The following DYSF variants were observed in gnomAD, a reference collection of about 807,000 sequenced individuals.
DYSF encodes the protein dysferlin.
DYSF carries 212 observed loss-of-function variants against 274.9 expected under a neutral mutation model. The ratio of observed to expected loss-of-function variants is 0.77; its 90% CI spans 0.69 to 0.86. The LOEUF is 0.86. Ranked by LOEUF, DYSF falls within the 40% of genes least tolerant of loss-of-function variation. The pLI, the probability that DYSF is intolerant of heterozygous loss-of-function variation, is 0.00. For missense variants in DYSF, 2,666 were observed against 2,783.2 expected, an observed-to-expected ratio of 0.96 and a Z score of 0.95; for synonymous variants, 1,091 against 1,078.7, an observed-to-expected ratio of 1.01 and a Z score of -0.22.
rs773393447 is a variant in DYSF, at chr2:71,686,461, C to T, written c.6329C>T (p.Ala2110Val). Residue 2110 changes from alanine to valine, a missense_variant, in exon 56 of 56, where the codon GCT (alanine) becomes GTT (valine). This residue lies in a region of DYSF where 1,460 missense variants were observed against 1,502.1 expected (regional missense o/e 0.97). Coordinates refer to ENST00000410020, the MANE Select transcript of DYSF (RefSeq NM_001130987.2). Reference sequence around the variant, plus strand: ...TCTCCTCCCTCCCTCCAGAACTATGCTGCCATGAAGCTGGTGAAGCCCTTC... The same window carrying T: ...TCTCCTCCCTCCCTCCAGAACTATGTTGCCATGAAGCTGGTGAAGCCCTTC... ...AIFIYAFPNY[A>V]AMKLVKPFS is the part of the protein sequence containing the mutation. 1.9e-6 allele frequency: 3 copies of T among 1,614,170 alleles called. No individual in the cohort carries two copies. The Admixed American group carries it at 5.0e-5, about 27-fold the overall frequency.
At chr2:71,498,654 G>A (rs1240811943) in intron 3 of DYSF, among the ~76,000 whole-genome samples, 3 of 152,202 alleles carry the variant, frequency 2.0e-5, no homozygotes, top group Admixed American at 2.0e-4. Flanking sequence ...CTGGTCTCCA[G>A]GCAAGGACGA....
At chr2:71,591,530 C>G (rs954869372) in intron 32 of DYSF, among the ~76,000 whole-genome samples, 2 of 152,236 alleles carry the variant, frequency 1.3e-5, no homozygotes, top group African/African-American at 2.4e-5. Context: ...TTACAATTGC[C>G]CTGTGAAGTA....
chr2:71,460,392 C>T (rs2081237498), intron 1 of DYSF, among the ~76,000 whole-genome samples: 4 of 152,170 alleles, frequency 2.6e-5, no homozygotes, highest in Non-Finnish European at 5.9e-5. Context: ...CTACATTCAG[C>T]TATGAGGGAG....
At chr2:71,545,663 GACA>G (rs1450804063) in intron 17 of DYSF, among the ~76,000 whole-genome samples, 1 of 152,188 alleles carries the variant, frequency 6.6e-6, no homozygotes, top group Non-Finnish European at 1.5e-5. Context: ...TCCAGGGGCA[GACA>G]GTGGTGGGGG....
intron 33 of DYSF, among the ~76,000 whole-genome samples, chr2:71,600,125 G>A (rs2093513260): frequency 6.6e-6 from 1 of 152,216 alleles, no homozygotes; most frequent in Non-Finnish European, 1.5e-5. Flanking sequence ...GAGCCCTGAG[G>A]GGGCTTGCCC....
chr2:71,548,353 C>T (rs1004699201), intron 17 of DYSF, among the ~76,000 whole-genome samples: 3 of 152,152 alleles, frequency 2.0e-5, no homozygotes, highest in Admixed American at 6.5e-5. Context: ...AGGGGCAAAA[C>T]GAGTGTTTTC....
At chr2:71,627,161 TTTTA>T (rs2094221173) in intron 41 of DYSF, among the ~76,000 whole-genome samples, 1 of 151,808 alleles carries the variant, frequency 6.6e-6, no homozygotes, top group African/African-American at 2.4e-5. Flanking sequence ...ATTCCTTCCA[TTTTA>T]TTTCTTTTCT....
At chr2:71,553,684 TG>T (rs1172998099) in intron 20 of DYSF, 122 bp from the exon 21 acceptor site, 2 of 1,256,474 alleles carry the variant, frequency 1.6e-6, no homozygotes, top group Admixed American at 4.0e-5. Flanking sequence ...GTCCCACGTG[TG>T]GTCCCTTTCC....
At chr2:71,580,761 C>T (rs1313588234) in intron 30 of DYSF, among the ~76,000 whole-genome samples, 1 of 152,250 alleles carries the variant, frequency 6.6e-6, no homozygotes, top group Non-Finnish European at 1.5e-5. Context: ...CCTCGCTGCT[C>T]TTCCTACTGC....
chr2:71,546,725 G>A (rs1272911586), intron 17 of DYSF, among the ~76,000 whole-genome samples: 2 of 152,214 alleles, frequency 1.3e-5, no homozygotes, highest in Non-Finnish European at 2.9e-5. Context: ...TCCAAAGTTA[G>A]TCTCCTTTTG....
chr2:71,611,058 G>C, intron 36 of DYSF, 187 bp from the exon 37 acceptor site: 1 of 645,160 alleles, frequency 1.5e-6, no homozygotes, highest in South Asian at 1.7e-5. Flanking sequence ...TCCTGGAGAA[G>C]ATGATGCCTG....
At chr2:71,672,709 T>C (rs1294117921) in intron 51 of DYSF, among the ~76,000 whole-genome samples, 1 of 152,130 alleles carries the variant, frequency 6.6e-6, no homozygotes, top group Admixed American at 6.5e-5. Context: ...ACCGAGCCCA[T>C]AAACCAAGCT....
chr2:71,519,249 C>A (rs2086977838), intron 10 of DYSF, among the ~76,000 whole-genome samples: 1 of 151,984 alleles, frequency 6.6e-6, no homozygotes, highest in Admixed American at 6.6e-5. Context: ...CCTGGAGAAG[C>A]ATTTTTTAAA....
upstream of DYSF, among the ~76,000 whole-genome samples, chr2:71,462,396 C>A (rs961097829): frequency 6.6e-6 from 1 of 152,186 alleles, no homozygotes; most frequent in Non-Finnish European, 1.5e-5. Flanking sequence ...TGCAGAGCCC[C>A]AAAGAGGGTG....
At chr2:71,587,646 A>G (rs1221773079) in intron 30 of DYSF, among the ~76,000 whole-genome samples, 1 of 152,234 alleles carries the variant, frequency 6.6e-6, no homozygotes, top group Non-Finnish European at 1.5e-5. Context: ...TAGATACTGT[A>G]TAATTATCCC....
chr2:71,496,394 G>A (rs1010999723), intron 3 of DYSF, among the ~76,000 whole-genome samples: 1 of 152,120 alleles, frequency 6.6e-6, no homozygotes, highest in Non-Finnish European at 1.5e-5. Context: ...TCAGGAGGCA[G>A]AGAGAGCGAG....
At chr2:71,575,404 C>T (rs2092669110) in intron 30 of DYSF, among the ~76,000 whole-genome samples, 1 of 152,264 alleles carries the variant, frequency 6.6e-6, no homozygotes, top group Non-Finnish European at 1.5e-5. Context: ...GAGAGCCCCT[C>T]CCTTGCCCTG....
At position 71,483,622 on chromosome 2, in the gene DYSF, C is replaced by T. The variant is rs138201115; in HGVS notation, c.239+1652C>T. Among the ~76,000 whole-genome samples the T allele has an allele frequency of 8.5e-3, 1,298 of 152,274 alleles. 16 individuals are homozygous for T. Among genetic ancestry groups the T allele is most frequent in the African/African-American group, 0.03 (1,234 of 41,544 alleles). On this transcript the variant is annotated intron_variant, in intron 3 of 55. Transcript: ENST00000410020. Reference sequence around the variant, plus strand: ...AATGCCAGGCTGAGGAGAATAGCAGCAAAGTCACACAACTGCCACACAGCT... The same window carrying T: ...AATGCCAGGCTGAGGAGAATAGCAGTAAAGTCACACAACTGCCACACAGCT...
At chr2:71,470,193 C>T (rs1254491246) in intron 1 of DYSF, among the ~76,000 whole-genome samples, 1 of 152,168 alleles carries the variant, frequency 6.6e-6, no homozygotes, top group Non-Finnish European at 1.5e-5. Flanking sequence ...CCCCTCCCAC[C>T]TCTTCTCTTC....
Sources: allele counts gnomAD v4.1 joint callset (sites outside exome capture counted in the v4.1 genomes callset), GRCh38; gene constraint gnomAD v4.1.1; regional missense constraint gnomAD v4.1.1; transcripts MANE v1.5; gene names NCBI Gene and HGNC (gene_info 2026-07-23, HGNC 2026-07-21).